Variants in DTNB observed in about 807,000 individuals in gnomAD.
The protein encoded by DTNB is dystrobrevin beta.
A neutral mutation model predicts 90.7 loss-of-function variants in DTNB; 63 were observed. The observed-to-expected ratio is 0.69, with a 90% CI of 0.57 to 0.86. DTNB has a LOEUF of 0.86. Ranked by LOEUF, DTNB falls within the 40% of genes least tolerant of loss-of-function variation. The pLI is 0.00. For synonymous variants in DTNB, 277 were observed against 286.7 expected, an observed-to-expected ratio of 0.97 and a Z score of 0.34; for missense variants, 744 against 807.1, an observed-to-expected ratio of 0.92 and a Z score of 0.95.
chr2:25,613,148 A>G (rs1384746381), intron 4 of DTNB, among the ~76,000 whole-genome samples: 4 of 151,936 alleles, frequency 2.6e-5, no homozygotes, highest in Admixed American at 2.6e-4. Context: ...AGGGCCCCAT[A>G]ATGTTGCCCA....
In DTNB at chr2:25,580,685, T is replaced by C. The variant is rs577255604; in HGVS notation, c.709+36A>G. ...AAATAATCAGTTCCTATACTTTCTA[T>C]AGCATGCGGAATTGAACAATAAAAG... On this transcript the variant is annotated intron_variant, in intron 7 of 20. Coordinates refer to ENST00000406818, the MANE Select transcript of DTNB (RefSeq NM_021907.5). 15 of 1,549,970 alleles carry C rather than the reference T, an allele frequency of 9.7e-6. No individual in the cohort carries two copies. In the South Asian group the frequency reaches 1.6e-4, roughly 16 times the overall value.
intron 9 of DTNB, among the ~76,000 whole-genome samples, chr2:25,495,503 A>G (rs1293089698): frequency 6.6e-6 from 1 of 152,230 alleles, no homozygotes; most frequent in African/African-American, 2.4e-5. Flanking sequence ...TGAAGAGGAC[A>G]TAAGGGATTA....
At chr2:25,409,801 C>T (rs747929098) in intron 16 of DTNB, among the ~76,000 whole-genome samples, 5 of 152,142 alleles carry the variant, frequency 3.3e-5, no homozygotes, top group Non-Finnish European at 5.9e-5. Flanking sequence ...CTAAGGCTCA[C>T]GTTTATGGTT....
intron 6 of DTNB, among the ~76,000 whole-genome samples, chr2:25,581,988 T>G (rs1475218721): frequency 6.6e-6 from 1 of 152,244 alleles, no homozygotes; most frequent in Non-Finnish European, 1.5e-5. Context: ...AATTTCACCT[T>G]GGTCTCTCCC....
At chr2:25,671,066 G>C (rs1206341864) in intron 1 of DTNB, among the ~76,000 whole-genome samples, 2 of 152,182 alleles carry the variant, frequency 1.3e-5, no homozygotes, top group Non-Finnish European at 2.9e-5. Flanking sequence ...AAGTGCAAGA[G>C]TAGTGATGCT....
intron 1 of DTNB, among the ~76,000 whole-genome samples, chr2:25,655,819 G>C (rs1303357271): frequency 6.6e-6 from 1 of 152,030 alleles, no homozygotes; most frequent in Non-Finnish European, 1.5e-5. Flanking sequence ...TTTGTTCCCG[G>C]CATGGCACGC....
chr2:25,664,871 G>T (rs2084050019), intron 1 of DTNB, among the ~76,000 whole-genome samples: 1 of 152,066 alleles, frequency 6.6e-6, no homozygotes, highest in Non-Finnish European at 1.5e-5. Context: ...TCTTTCTATT[G>T]TGTCACATCG....
chr2:25,484,955 A>G (rs975181656), intron 9 of DTNB, among the ~76,000 whole-genome samples: 1 of 152,224 alleles, frequency 6.6e-6, no homozygotes. Flanking sequence ...TCCTAAATTT[A>G]TATTTTTGCC....
chr2:25,587,089 A>T (rs921152162), intron 6 of DTNB, among the ~76,000 whole-genome samples: 1 of 152,146 alleles, frequency 6.6e-6, no homozygotes, highest in Non-Finnish European at 1.5e-5. Context: ...CAGGAGAGGG[A>T]TGGGGTAGAG....
At position 25,427,643 on chromosome 2, in the gene DTNB, G is replaced by A. The variant is rs775709324; in HGVS notation, c.1458-12C>T. ...CATCCTTCCTTTGCCTATCCAAGAC[G>A]AGAAGCCTATCAGATAAAGAGACCC... On this transcript the variant is annotated splice_polypyrimidine_tract_variant and intron_variant, in intron 14 of 20. Transcript: ENST00000406818. 7.4e-6 allele frequency: 12 copies of A among 1,611,010 alleles called. No homozygotes were observed. In the East Asian group the frequency reaches 8.9e-5, roughly 12 times the overall value.
chr2:25,392,207 G>A (rs542949911), intron 16 of DTNB, among the ~76,000 whole-genome samples: 3 of 152,258 alleles, frequency 2.0e-5, no homozygotes, highest in South Asian at 4.1e-4. Flanking sequence ...TCAGGAGTTC[G>A]AGACCAGCCT....
intron 8 of DTNB, among the ~76,000 whole-genome samples, chr2:25,559,653 C>A (rs1651813518): frequency 6.6e-6 from 1 of 152,192 alleles, no homozygotes. Context: ...ATGTCCACAT[C>A]CTAATCTCTG....
intron 9 of DTNB, among the ~76,000 whole-genome samples, chr2:25,516,144 T>C (rs1395943506): frequency 2.6e-5 from 4 of 152,196 alleles, no homozygotes. Context: ...CTAACTAGGA[T>C]GGCTATAGTC....
At chr2:25,623,534 C>G (rs1287659900) in intron 4 of DTNB, among the ~76,000 whole-genome samples, 2 of 152,084 alleles carry the variant, frequency 1.3e-5, no homozygotes, top group African/African-American at 2.4e-5. Context: ...GTAATCGTGT[C>G]CAGAAGTAAA....
Position 25,423,570 on chromosome 2 carries a change from C to A in DTNB, c.1554+3965G>T, listed in dbSNP as rs571380981. On this transcript the variant is annotated intron_variant, in intron 15 of 20. Coordinates refer to ENST00000406818, the MANE Select transcript of DTNB (RefSeq NM_021907.5). Reference sequence around the variant, plus strand: ...CAGACCATGTGGCTTGATTGTCCATCTGACTAACTGCTTCCGACTATTTTA... The same window carrying A: ...CAGACCATGTGGCTTGATTGTCCATATGACTAACTGCTTCCGACTATTTTA... 1.2e-4 allele frequency among the ~76,000 whole-genome samples: 18 copies of A among 152,296 alleles called. No homozygotes were observed. In the South Asian group the frequency reaches 2.9e-3, roughly 25 times the overall value.
intron 8 of DTNB, among the ~76,000 whole-genome samples, chr2:25,575,311 C>G (rs902466398): frequency 1.3e-5 from 2 of 150,038 alleles, no homozygotes; most frequent in Non-Finnish European, 3.0e-5. Flanking sequence ...TTTAAGAAAG[C>G]AAAAAGAAAC....
intron 6 of DTNB, among the ~76,000 whole-genome samples, chr2:25,588,775 A>C (rs2062945163): frequency 6.6e-6 from 1 of 152,194 alleles, no homozygotes; most frequent in Admixed American, 6.5e-5. Context: ...AGGAAATGAC[A>C]GCCCATCATA....
At chr2:25,498,524 G>T (rs908736346) in intron 9 of DTNB, among the ~76,000 whole-genome samples, 1 of 152,112 alleles carries the variant, frequency 6.6e-6, no homozygotes, top group African/African-American at 2.4e-5. Context: ...GAATGTGAAG[G>T]GCAATGTGAA....
intron 8 of DTNB, among the ~76,000 whole-genome samples, chr2:25,571,373 T>C (rs2059838138): frequency 2.0e-5 from 3 of 152,160 alleles, no homozygotes; most frequent in Admixed American, 6.5e-5. Flanking sequence ...CAAAACCCTA[T>C]AAAGACTCCT....
Sources: gnomAD v4.1 joint callset for allele counts (sites outside exome capture counted in the v4.1 genomes callset) on GRCh38, gnomAD v4.1.1 for gene constraint, MANE v1.5 for transcripts, NCBI Gene and HGNC (gene_info 2026-07-23, HGNC 2026-07-21) for gene names.